The following INPP5D variants were observed in gnomAD, a reference collection of about 807,000 sequenced individuals.
INPP5D encodes inositol polyphosphate-5-phosphatase D, also known as phosphatidylinositol 3,4,5-trisphosphate 5-phosphatase 1.
Under a neutral mutation model 122.9 loss-of-function variants are expected in INPP5D, and 33 were observed. That is an observed-to-expected ratio of 0.27 (90% CI 0.20 to 0.36). INPP5D has a LOEUF of 0.36. Among genes scored for constraint, INPP5D ranks in the 10% least tolerant of loss-of-function variants. The pLI, the probability that INPP5D is intolerant of heterozygous loss-of-function variation, is 1.00. For missense variants in INPP5D, 1,053 were observed against 1,412.7 expected, an observed-to-expected ratio of 0.75 and a Z score of 4.08; for synonymous variants, 584 against 576.2, an observed-to-expected ratio of 1.01 and a Z score of -0.19.
intron 17 of INPP5D, among the ~76,000 whole-genome samples, chr2:233,172,996 G>T (rs1574785151): frequency 6.6e-6 from 1 of 152,186 alleles, no homozygotes. Flanking sequence ...ATCACTTGAG[G>T]TTAGGAGTTC....
At chr2:233,102,031 G>A (rs563527039) in intron 2 of INPP5D, among the ~76,000 whole-genome samples, 52 of 151,934 alleles carry the variant, frequency 3.4e-4, no homozygotes, top group African/African-American at 1.2e-3. Flanking sequence ...GCCACGCCCC[G>A]GGCTCTGTTA....
At chr2:233,107,806 G>C (rs1041669418) in intron 2 of INPP5D, among the ~76,000 whole-genome samples, 2 of 152,048 alleles carry the variant, frequency 1.3e-5, no homozygotes, top group African/African-American at 4.8e-5. Context: ...CCCAGCTGGC[G>C]GGTGGTTGGA....
chr2:233,156,456 A>C (rs553432667), intron 9 of INPP5D, among the ~76,000 whole-genome samples: 2 of 152,216 alleles, frequency 1.3e-5, no homozygotes, highest in South Asian at 4.2e-4. Context: ...CGCCTGGCTA[A>C]TTTTTTGTTT....
At chr2:233,119,072 T>C (rs1692890042) in intron 2 of INPP5D, among the ~76,000 whole-genome samples, 2 of 152,212 alleles carry the variant, frequency 1.3e-5, no homozygotes, top group Admixed American at 1.3e-4. Context: ...GTCACATAAG[T>C]CTATAATCAA....
intron 18 of INPP5D, among the ~76,000 whole-genome samples, chr2:233,181,156 G>A (rs1270527204): frequency 6.6e-6 from 1 of 152,076 alleles, no homozygotes; most frequent in Non-Finnish European, 1.5e-5. Context: ...TCTCTGTTCT[G>A]TCTCATAGTT....
intron 25 of INPP5D, among the ~76,000 whole-genome samples, chr2:233,200,480 C>A (rs1213472501): frequency 6.6e-6 from 1 of 152,174 alleles, no homozygotes; most frequent in Non-Finnish European, 1.5e-5. Context: ...TTTCTTCATC[C>A]TTTTTCCATG....
chr2:233,122,876 T>G (rs548800673), intron 3 of INPP5D, among the ~76,000 whole-genome samples: 1 of 152,222 alleles, frequency 6.6e-6, no homozygotes, highest in Non-Finnish European at 1.5e-5. Flanking sequence ...TGACTAGCCT[T>G]TAAAAAGACA....
chr2:233,193,879 C>T lies in INPP5D; in HGVS notation c.2514C>T (p.Thr838=). ...ETQLPIYTPL[T]HHGELTGHFQ... ...AGCTGCCCATCTACACGCCTCTCACCCACCATGGGGAGTTGACAGGCCACT... is the reference window on the plus strand; with the variant it reads ...AGCTGCCCATCTACACGCCTCTCACTCACCATGGGGAGTTGACAGGCCACT... The change falls in exon 23 of 27, where the codon ACC becomes ACT. Residue 838 remains threonine, a synonymous_variant. Transcript: ENST00000445964. 2.5e-6 allele frequency: 4 copies of T among 1,613,986 alleles called. No individual in the cohort carries two copies. The South Asian group carries it at 4.4e-5, about 18-fold the overall frequency.
At chr2:233,202,301 G>A (rs1160413420) in intron 25 of INPP5D, among the ~76,000 whole-genome samples, 1 of 152,182 alleles carries the variant, frequency 6.6e-6, no homozygotes. Context: ...GCCTTTGAGG[G>A]TCCACACGGG....
rs1298011349 is a variant in INPP5D at position 233,094,530 on chromosome 2, A to C, written c.198+15132A>C. 3.0e-4 allele frequency among the ~76,000 whole-genome samples: 45 copies of C among 150,506 alleles called. 2 individuals carry two copies. The highest frequency in any genetic ancestry group is 1.0e-3 in the African/African-American group (43 of 40,974). ...TCCATCCCAAAAAAAAAAAAAAAAA[A>C]AAAAAAAAAAAATTCTAAAATCTGG... On this transcript the variant is annotated intron_variant, in intron 2 of 26. Transcript: ENST00000445964.
At position 233,087,955 on chromosome 2, in the gene INPP5D, A is replaced by G. The variant is rs771445874; in HGVS notation, c.198+8557A>G. 2.0e-5 allele frequency among the ~76,000 whole-genome samples: 3 copies of G among 151,962 alleles called. No homozygotes were observed. The South Asian group carries it at 6.2e-4, about 32-fold the overall frequency. Reference sequence around the variant, plus strand: ...GTAGCTCCCTCCAAAGTGGATCCTCATTTCAGCATTGAATTGAGCTCCTCA... The same window carrying G: ...GTAGCTCCCTCCAAAGTGGATCCTCGTTTCAGCATTGAATTGAGCTCCTCA... On this transcript the variant is annotated intron_variant, in intron 2 of 26. Coordinates refer to ENST00000445964, the MANE Select transcript of INPP5D (RefSeq NM_001017915.3).
chr2:233,169,063 C>T (rs1260073704), intron 13 of INPP5D, among the ~76,000 whole-genome samples: 3 of 152,150 alleles, frequency 2.0e-5, no homozygotes, highest in Non-Finnish European at 4.4e-5. Context: ...GGGGGAGGAT[C>T]GCAGCAGCCA....
chr2:233,175,478 T>C (rs1015958749), intron 17 of INPP5D, among the ~76,000 whole-genome samples: 2 of 152,098 alleles, frequency 1.3e-5, no homozygotes, highest in African/African-American at 4.8e-5. Context: ...GAGGCTCTGG[T>C]ATTGACAAGG....
chr2:233,144,754 G>C (rs1162942185), intron 6 of INPP5D, among the ~76,000 whole-genome samples: 1 of 151,904 alleles, frequency 6.6e-6, no homozygotes, highest in Admixed American at 6.6e-5. Context: ...GATAGGGGTG[G>C]AGATGGTGGT....
At chr2:233,117,231 G>A (rs1255257889) in intron 2 of INPP5D, among the ~76,000 whole-genome samples, 5 of 152,190 alleles carry the variant, frequency 3.3e-5, no homozygotes, top group Admixed American at 3.3e-4. Flanking sequence ...GGAACCAAGG[G>A]CAGTCCCCTC....
intron 2 of INPP5D, among the ~76,000 whole-genome samples, chr2:233,096,314 A>T (rs1487039824): frequency 6.6e-6 from 1 of 152,200 alleles, no homozygotes; most frequent in African/African-American, 2.4e-5. Flanking sequence ...CAATGAGTGA[A>T]ATATGTGATC....
intron 2 of INPP5D, among the ~76,000 whole-genome samples, chr2:233,108,013 C>T (rs114287269): frequency 0.036 from 5,415 of 152,238 alleles, 129 homozygotes; most frequent in African/African-American, 0.057. Context: ...GGACCTTGCC[C>T]AGAGATAGCC....
At position 233,125,860 on chromosome 2, in the gene INPP5D, C is replaced by T. The variant is rs745349988; in HGVS notation, c.465C>T (p.Thr155=). 3 of 1,613,600 alleles carry T rather than the reference C, an allele frequency of 1.9e-6. No individual in the cohort carries two copies. Among genetic ancestry groups the T allele is most frequent in the African/African-American group, 2.7e-5 (2 of 74,898 alleles). The change falls in exon 4 of 27, where the codon ACC becomes ACT. Residue 155 remains threonine, a synonymous_variant. Transcript: ENST00000445964. The stretch of plus-strand genomic sequence containing the variant: ...ACGAGAATCCCCGAGCGACCGAGAC[C>T]AGCCGGCCGAGCCTCTCCGAGACAT... ...FSNENPRATE[T]SRPSLSETLF...
intron 1 of INPP5D, among the ~76,000 whole-genome samples, chr2:233,065,212 G>C (rs576781020): frequency 6.6e-6 from 1 of 152,186 alleles, no homozygotes; most frequent in African/African-American, 2.4e-5. Context: ...AGTCCTTTCG[G>C]GTCCAGAGAT....
Sources: gnomAD v4.1 joint callset for allele counts (sites outside exome capture counted in the v4.1 genomes callset) on GRCh38, gnomAD v4.1.1 for gene constraint, MANE v1.5 for transcripts, NCBI Gene and HGNC (gene_info 2026-07-23, HGNC 2026-07-21) for gene names.